CUL5: variants seen among roughly 807,000 people sequenced by gnomAD.
CUL5 encodes cullin-5.
Under a neutral mutation model 108.8 loss-of-function variants are expected in CUL5, and 26 were observed. The observed-to-expected ratio is 0.24, with a 90% CI of 0.18 to 0.33. The LOEUF is 0.33. Among genes scored for constraint, CUL5 ranks in the 10% least tolerant of loss-of-function variants. The probability of loss-of-function intolerance (pLI) is 1.00; values close to 1 mark genes in which losing one functional copy is unlikely to be tolerated. For missense variants in CUL5, 524 were observed against 909.2 expected (o/e 0.58, Z 5.45); for synonymous variants, 334 against 298.0 (o/e 1.12, Z -1.25).
intron 10 of CUL5, among the ~76,000 whole-genome samples, chr11:108,076,111 A>C (rs1863935216): frequency 6.6e-6 from 1 of 152,024 alleles, no homozygotes; most frequent in South Asian, 2.1e-4. Flanking sequence ...GGCTCACTGG[A>C]GCTTCGACCC....
At chr11:108,029,349 G>A (rs997564265) in intron 1 of CUL5, among the ~76,000 whole-genome samples, 2 of 152,224 alleles carry the variant, frequency 1.3e-5, no homozygotes, top group South Asian at 2.1e-4. Context: ...GGCAAATGTT[G>A]TAGTTCTCTG....
chr11:108,020,535 A>AT (rs34112083), intron 1 of CUL5, among the ~76,000 whole-genome samples: 89,150 of 148,180 alleles, frequency 0.6, 27,765 homozygotes, highest in East Asian at 0.87. Flanking sequence ...TGTGTTTGTG[A>AT]TTTTTTTTTT....
At chr11:108,048,648 C>CTTTTTTTTTTTTTTTTTTTTTTTTTTT (rs200991204) in intron 3 of CUL5, among the ~76,000 whole-genome samples, 28 of 116,862 alleles carry the variant, frequency 2.4e-4, no homozygotes, top group Non-Finnish European at 3.6e-4. Context: ...ACTCCACCAC[C>CTTTTTTTTTTTTTTTTTTTTTTTTTTT]TTTTTTTTTT....
chr11:108,091,685 T>A (rs149682880), intron 13 of CUL5, among the ~76,000 whole-genome samples: 259 of 96,796 alleles, frequency 2.7e-3, no homozygotes, highest in Non-Finnish European at 4.5e-3. Context: ...TCAGATCCTG[T>A]CTCTCTCACT....
At chr11:108,073,605 C>T (rs1863878563) in intron 10 of CUL5, 108 bp downstream of exon 10, 3 of 473,754 alleles carry the variant, frequency 6.3e-6, no homozygotes, top group Admixed American at 8.2e-5. Context: ...ACTTAAAAAC[C>T]TAGCAACTGT....
At chr11:108,050,822 A>G (rs531905839) in intron 4 of CUL5, among the ~76,000 whole-genome samples, 2 of 152,270 alleles carry the variant, frequency 1.3e-5, no homozygotes, top group South Asian at 4.1e-4. Flanking sequence ...TTCAGTATAT[A>G]CTGTGCTTAT....
chr11:108,094,741 G>A, intron 14 of CUL5, 71 bp from the exon 15 acceptor site: 1 of 1,234,032 alleles, frequency 8.1e-7, no homozygotes. Flanking sequence ...TTCACCCAAA[G>A]TTACCCTGTA....
At chr11:108,084,064 G>T (rs893284586) in intron 11 of CUL5, among the ~76,000 whole-genome samples, 20 of 152,138 alleles carry the variant, frequency 1.3e-4, no homozygotes. Context: ...CCTTCTTCCA[G>T]TGTGGCCCAG....
rs1047705778 is a variant in CUL5 at position 108,106,752 on chromosome 11, C to G, written c.*2368C>G. 2.7e-5 allele frequency: 4 copies of G among 149,352 alleles called. No homozygotes were observed. The highest frequency in any genetic ancestry group is 1.4e-4 in the Admixed American group (2 of 14,728). The allele number at this position is 149,352 out of a possible 1,614,324, so 9.3% of individuals were successfully genotyped here. The stretch of plus-strand genomic sequence containing the variant: ...CAGTTGGCATCCTTTATTCAGGTCT[C>G]TTCTCTCCAGCGTACACTTAAAATT... On this transcript the variant is annotated 3_prime_UTR_variant, in exon 19 of 19. Coordinates refer to ENST00000393094, the MANE Select transcript of CUL5 (RefSeq NM_003478.6).
At chr11:108,091,619 G>T (rs1864361495) in intron 13 of CUL5, among the ~76,000 whole-genome samples, 1 of 148,610 alleles carries the variant, frequency 6.7e-6, no homozygotes, top group Non-Finnish European at 1.5e-5. Context: ...AGCCTGTGAG[G>T]TGGAGGTTGC....
At position 108,098,469 on chromosome 11, in the gene CUL5, A is replaced by G; in HGVS notation, c.2088A>G (p.Thr696=). 6.2e-7 allele frequency: 1 copy of G among 1,603,084 alleles called. No individual in the cohort carries two copies. The highest frequency in any genetic ancestry group is 8.5e-7 in the Non-Finnish European group (1 of 1,174,942). Residue 696 remains threonine, a synonymous_variant, in exon 18 of 19, where the codon ACA becomes ACG. Coordinates refer to ENST00000393094, the MANE Select transcript of CUL5 (RefSeq NM_003478.6). ...TGATTGGACGTTTGCAGCTCACTAC[A>G]GAAAGGATGAGAGAAGAAGAGAATG... ...INLIGRLQLT[T]ERMREEENEG...
At chr11:108,034,683 A>G (rs6588998) in intron 2 of CUL5, among the ~76,000 whole-genome samples, 20,263 of 152,148 alleles carry the variant, frequency 0.13, 1,451 homozygotes, top group African/African-American at 0.19. Flanking sequence ...AGCAAAAATC[A>G]TTAATGTCCT....
intron 16 of CUL5, 39 bp downstream of exon 16, chr11:108,095,730 T>A (rs1864474014): frequency 6.6e-7 from 1 of 1,519,412 alleles, no homozygotes; most frequent in African/African-American, 1.4e-5. Context: ...CTGTATCCTC[T>A]CATGTAGCAG....
At chr11:108,047,302 T>A (rs533737310) in intron 3 of CUL5, among the ~76,000 whole-genome samples, 26 of 152,022 alleles carry the variant, frequency 1.7e-4, no homozygotes, top group African/African-American at 6.3e-4. Context: ...GGCAGCAGAG[T>A]GAGACCCTGT....
At chr11:108,043,561 T>G (rs1041144593) in intron 2 of CUL5, among the ~76,000 whole-genome samples, 1 of 152,166 alleles carries the variant, frequency 6.6e-6, no homozygotes, top group South Asian at 2.1e-4. Flanking sequence ...TTTAATAGAT[T>G]GGAGGGTTTC....
intron 7 of CUL5, among the ~76,000 whole-genome samples, chr11:108,063,560 A>G (rs1863598902): frequency 2.0e-5 from 3 of 150,740 alleles, no homozygotes; most frequent in Non-Finnish European, 4.4e-5. Context: ...AACTTAAAGT[A>G]TAATAATAAT....
intron 5 of CUL5, among the ~76,000 whole-genome samples, chr11:108,053,678 CT>C (rs35844502): frequency 0.012 from 1,583 of 129,212 alleles, 31 homozygotes; most frequent in Admixed American, 0.061. Context: ...GTATACCATG[CT>C]TTTTTTTTTT....
rs769598770 is a variant in CUL5 at position 108,054,947 on chromosome 11, G to A, written c.772G>A (p.Val258Ile). The part of the protein sequence containing the change: ...YLETRRECNS[V>I]EALMECCVNA... ...AGAAACAAGACGAGAATGTAACTCC[G>A]TTGAAGCAGTAAGTAATTTTGTAAT... The change falls in exon 7 of 19, where the codon GTT becomes ATT. Residue 258 changes from valine (V) to isoleucine (I), a missense_variant. Transcript: ENST00000393094. 8.1e-6 allele frequency: 13 copies of A among 1,596,146 alleles called. No homozygotes were observed. Among genetic ancestry groups the A allele is most frequent in the East Asian group, 2.2e-5 (1 of 44,580 alleles).
intron 11 of CUL5, among the ~76,000 whole-genome samples, chr11:108,080,127 T>TTCC (rs148051994): frequency 1.4e-5 from 2 of 143,264 alleles, no homozygotes; most frequent in Admixed American, 7.0e-5. Context: ...TTTTTTTTTT[T>TTCC]CCGGTATTCG....
Sources: gnomAD v4.1 joint callset for allele counts (sites outside exome capture counted in the v4.1 genomes callset) on GRCh38, gnomAD v4.1.1 for gene constraint, MANE v1.5 for transcripts, NCBI Gene and HGNC (gene_info 2026-07-23, HGNC 2026-07-21) for gene names.